The following PCDHA3 variants were observed in gnomAD, a reference collection of about 807,000 sequenced individuals.
PCDHA3 encodes the protein protocadherin alpha 3, also known as protocadherin alpha-3.
PCDHA3 carries 41 observed loss-of-function variants against 62.2 expected under a neutral mutation model. The observed-to-expected ratio is 0.66, with a 90% CI of 0.51 to 0.86. The LOEUF (loss-of-function observed/expected upper bound fraction) is 0.86, where lower values mean the gene tolerates loss of function less well. Among genes scored for constraint, PCDHA3 ranks in the 40% least tolerant of loss-of-function variants. The pLI, the probability that PCDHA3 is intolerant of heterozygous loss-of-function variation, is 0.00. For synonymous variants in PCDHA3, 640 were observed against 555.4 expected (o/e 1.15, Z -2.14); for missense variants, 1,304 against 1,241.2 (o/e 1.05, Z -0.76).
intron 1 of PCDHA3, chr5:140,807,621 C>A (rs781954870): frequency 1.2e-6 from 2 of 1,614,188 alleles, no homozygotes; most frequent in African/African-American, 1.3e-5. Context: ...ATCGCGGAAT[C>A]CAGGCCGCTT....
chr5:141,006,404 G>A (rs1001810745), intron 3 of PCDHA3, among the ~76,000 whole-genome samples: 2 of 151,938 alleles, frequency 1.3e-5, no homozygotes, highest in East Asian at 1.9e-4. Flanking sequence ...TAGTAGAGAC[G>A]CGGTTTCACT....
intron 1 of PCDHA3, 119 bp from the exon 2 acceptor site, chr5:140,978,830 C>T: frequency 6.5e-7 from 1 of 1,535,340 alleles, no homozygotes; most frequent in Non-Finnish European, 8.8e-7. Context: ...TGAAATGGCT[C>T]ATTCAATACT....
chr5:140,893,312 A>C (rs2063923388), intron 1 of PCDHA3, among the ~76,000 whole-genome samples: 1 of 152,106 alleles, frequency 6.6e-6, no homozygotes, highest in Non-Finnish European at 1.5e-5. Context: ...TAGTTTTTTG[A>C]GGGACTCCCA....
intron 1 of PCDHA3, chr5:140,817,221 C>T (rs1231658079): frequency 6.6e-6 from 1 of 152,306 alleles, no homozygotes; most frequent in Non-Finnish European, 1.5e-5. Flanking sequence ...CTTTCTCTTT[C>T]CCTTCTCAGG....
intron 1 of PCDHA3, chr5:140,816,520 T>A (rs909613527): frequency 6.6e-6 from 1 of 152,074 alleles, no homozygotes; most frequent in Non-Finnish European, 1.5e-5. Flanking sequence ...TGTGTGTGTG[T>A]GTGTGTGTGT....
chr5:140,886,730 G>A (rs2061105749), intron 1 of PCDHA3, among the ~76,000 whole-genome samples: 1 of 150,962 alleles, frequency 6.6e-6, no homozygotes, highest in Non-Finnish European at 1.5e-5. Flanking sequence ...GGAGGCTGAA[G>A]CAAGAGAATT....
intron 3 of PCDHA3, among the ~76,000 whole-genome samples, chr5:140,994,222 CTA>C (rs1219184690): frequency 6.6e-6 from 1 of 152,168 alleles, no homozygotes; most frequent in Non-Finnish European, 1.5e-5. Context: ...CAGGGTCTGT[CTA>C]TGTTATAATC....
At chr5:140,908,180 T>C (rs2073846080) in intron 1 of PCDHA3, among the ~76,000 whole-genome samples, 2 of 152,298 alleles carry the variant, frequency 1.3e-5, no homozygotes, top group East Asian at 3.9e-4. Context: ...AGCTGTCCAC[T>C]TTCAGGTGGT....
At chr5:140,822,297 C>A (rs1767263193) in intron 1 of PCDHA3, 3 of 1,614,030 alleles carry the variant, frequency 1.9e-6, no homozygotes, top group Middle Eastern at 1.6e-4. Context: ...TAAATCCAAA[C>A]GAATATTTTG....
Position 141,010,316 on chromosome 5 carries a change from G to T in PCDHA3, c.*379G>T. ...GGGCAGGCTGAAAAGTTTTGAGATT[G>T]AGCAGCTTGGGAGTTTGTGGCCACT... On this transcript the variant is annotated 3_prime_UTR_variant, in exon 4 of 4. Coordinates refer to ENST00000522353, the MANE Select transcript of PCDHA3 (RefSeq NM_018906.3). The T allele has an allele frequency of 1.3e-6, 2 of 1,546,404 alleles. No individual in the cohort carries two copies. The highest frequency in any genetic ancestry group is 2.4e-5 in the South Asian group (2 of 83,328).
chr5:140,807,049 A>T, intron 1 of PCDHA3: 1 of 1,034,620 alleles, frequency 9.7e-7, no homozygotes, highest in Non-Finnish European at 1.4e-6. Context: ...AATTCCTTCT[A>T]TTCTTACTGG....
chr5:140,830,029 G>C (rs781984096), intron 1 of PCDHA3: 2 of 1,613,792 alleles, frequency 1.2e-6, no homozygotes, highest in Non-Finnish European at 1.7e-6. Flanking sequence ...CGCGCCACCG[G>C]CTGCTGGTGC....
intron 1 of PCDHA3, among the ~76,000 whole-genome samples, chr5:140,970,841 C>T (rs782138970): frequency 2.0e-5 from 3 of 150,352 alleles, no homozygotes; most frequent in African/African-American, 7.5e-5. Context: ...ATGTAATGCA[C>T]AGGCACAAAA....
At chr5:140,869,531 C>A (rs782191099) in intron 1 of PCDHA3, 11 of 1,614,032 alleles carry the variant, frequency 6.8e-6, no homozygotes, top group African/African-American at 2.7e-5. Flanking sequence ...CTGCTGATTG[C>A]GGAATCTAAG....
At chr5:140,897,258 G>A (rs1008292814) in intron 1 of PCDHA3, among the ~76,000 whole-genome samples, 1 of 151,682 alleles carries the variant, frequency 6.6e-6, no homozygotes, top group African/African-American at 2.4e-5. Flanking sequence ...ATGTATACAT[G>A]TGCCATGCTG....
chr5:140,911,827 A>C (rs2075655305), intron 1 of PCDHA3, among the ~76,000 whole-genome samples: 1 of 152,162 alleles, frequency 6.6e-6, no homozygotes, highest in African/African-American at 2.4e-5. Context: ...GAAACCCCAA[A>C]ACCAATGAAA....
At chr5:140,894,140 C>T (rs1004427236) in intron 1 of PCDHA3, among the ~76,000 whole-genome samples, 2 of 151,956 alleles carry the variant, frequency 1.3e-5, no homozygotes, top group Admixed American at 6.6e-5. Context: ...GAAATAATTC[C>T]CTTCTATGTA....
intron 1 of PCDHA3, chr5:140,870,322 G>A (rs1554164069): frequency 6.2e-7 from 1 of 1,614,086 alleles, no homozygotes; most frequent in African/African-American, 1.3e-5. Flanking sequence ...CTACTCGTTG[G>A]TGCTGGACAG....
chr5:140,981,917 A>G (rs1465971302), intron 2 of PCDHA3, among the ~76,000 whole-genome samples: 1 of 152,218 alleles, frequency 6.6e-6, no homozygotes, highest in Non-Finnish European at 1.5e-5. Flanking sequence ...GTGGTGATCA[A>G]GTTTCTCTAG....
Sources: allele counts gnomAD v4.1 joint callset (sites outside exome capture counted in the v4.1 genomes callset), GRCh38; gene constraint gnomAD v4.1.1; transcripts MANE v1.5; gene names NCBI Gene and HGNC (gene_info 2026-07-23, HGNC 2026-07-21).